Variants in GTF2H5 observed in about 807,000 individuals in gnomAD.
GTF2H5 encodes TFB5 ortholog.
In GTF2H5, 5 loss-of-function variants were observed where a neutral mutation model predicts 7.1. The observed-to-expected ratio is 0.71, with a 90% CI of 0.37 to 1.49. GTF2H5 has a LOEUF of 1.49. Ranked by LOEUF, GTF2H5 falls within the 40% of genes most tolerant of loss-of-function variation. The pLI is 0.03. For missense variants in GTF2H5, 80 were observed against 83.0 expected, an observed-to-expected ratio of 0.96 and a Z score of 0.14; for synonymous variants, 30 against 31.7, an observed-to-expected ratio of 0.95 and a Z score of 0.18.
intron 2 of GTF2H5, among the ~76,000 whole-genome samples, chr6:158,180,941 T>G (rs907929029): frequency 1.3e-5 from 2 of 152,072 alleles, no homozygotes; most frequent in Non-Finnish European, 1.5e-5. Context: ...CTCTTGCTTC[T>G]CTAGTTCTTT....
At chr6:158,189,541 G>C (rs947406413) in intron 2 of GTF2H5, among the ~76,000 whole-genome samples, 1 of 151,878 alleles carries the variant, frequency 6.6e-6, no homozygotes. Flanking sequence ...CCTTACCCTC[G>C]TGCCAGCTCT....
chr6:158,190,837 T>C (rs1034411569), intron 2 of GTF2H5: 1 of 440,100 alleles, frequency 2.3e-6, no homozygotes, highest in South Asian at 1.7e-5. Context: ...TTTATATTCA[T>C]TTTTTGCTAA....
chr6:158,187,900 A>G (rs1466361348), intron 2 of GTF2H5, among the ~76,000 whole-genome samples: 1 of 152,132 alleles, frequency 6.6e-6, no homozygotes, highest in East Asian at 1.9e-4. Context: ...CTGGTCAGCT[A>G]TGCCTGAATT....
At chr6:158,181,357 G>A (rs933756793) in intron 2 of GTF2H5, among the ~76,000 whole-genome samples, 2 of 152,204 alleles carry the variant, frequency 1.3e-5, no homozygotes, top group African/African-American at 4.8e-5. Context: ...GTTGATTTGG[G>A]TCGGGGAGTT....
chr6:158,172,121 C>G (rs528006974), intron 2 of GTF2H5, among the ~76,000 whole-genome samples: 3 of 152,084 alleles, frequency 2.0e-5, no homozygotes, highest in African/African-American at 7.2e-5. Context: ...TCACTTCTCT[C>G]TTCTGAGGGT....
intron 2 of GTF2H5, among the ~76,000 whole-genome samples, chr6:158,176,961 C>T (rs759058902): frequency 3.3e-5 from 5 of 152,232 alleles, no homozygotes; most frequent in African/African-American, 1.2e-4. Context: ...AGCCTTTAAG[C>T]GGTTTTCCGC....
At chr6:158,173,821 CCTGCTAA>C (rs1317847027) in intron 2 of GTF2H5, among the ~76,000 whole-genome samples, 3 of 152,254 alleles carry the variant, frequency 2.0e-5, no homozygotes, top group African/African-American at 7.2e-5. Context: ...AGCAGGCGGG[CCTGCTAA>C]CTGGCTATTT....
intron 2 of GTF2H5, among the ~76,000 whole-genome samples, chr6:158,182,233 C>T (rs1437227233): frequency 3.3e-5 from 5 of 152,312 alleles, no homozygotes; most frequent in East Asian, 3.9e-4. Context: ...AGGGTTTATG[C>T]GGAGCGATCC....
chr6:158,168,576 C>T (rs13194997), intron 1 of GTF2H5, among the ~76,000 whole-genome samples, 181 bp downstream of exon 1: 18,719 of 152,264 alleles, frequency 0.12, 1,279 homozygotes, highest in Middle Eastern at 0.16. Context: ...CAGTCCCCCC[C>T]TCGTTTAATC....
rs543894150 is a variant in GTF2H5, at chr6:158,197,374, T to A, written c.*5217T>A. Reference sequence around the variant, plus strand: ...TTATGCTCAAAATATCCAATAATATTTCTTTTGCTGAGCTGTAAAATAATT... The same window carrying A: ...TTATGCTCAAAATATCCAATAATATATCTTTTGCTGAGCTGTAAAATAATT... On this transcript the variant is annotated 3_prime_UTR_variant, in exon 3 of 3. Transcript: ENST00000607778. 13 of 164,406 alleles carry A rather than the reference T, an allele frequency of 7.9e-5. No individual in the cohort carries two copies. Among genetic ancestry groups the A allele is most frequent in the African/African-American group, 3.1e-4 (13 of 41,684 alleles). 10.2% of individuals were successfully genotyped at this position (164,406 alleles called of 1,614,324 possible).
chr6:158,190,928 G>T (rs766569410), intron 2 of GTF2H5: 1 of 517,282 alleles, frequency 1.9e-6, no homozygotes, highest in Non-Finnish European at 3.9e-6. Flanking sequence ...CTGTAAATCT[G>T]TACTGCCCGA....
At chr6:158,186,967 T>C (rs1318750694) in intron 2 of GTF2H5, among the ~76,000 whole-genome samples, 1 of 147,600 alleles carries the variant, frequency 6.8e-6, no homozygotes, top group Non-Finnish European at 1.5e-5. Flanking sequence ...TTGTTTTTGT[T>C]TTGTTTTGTG....
chr6:158,175,044 G>GTGTA, intron 2 of GTF2H5, among the ~76,000 whole-genome samples: 91 of 142,846 alleles, frequency 6.4e-4, no homozygotes, highest in African/African-American at 2.0e-3. Context: ...GTGTGTGTGT[G>GTGTA]TATACACACA....
intron 2 of GTF2H5, among the ~76,000 whole-genome samples, chr6:158,188,193 G>A (rs1440723595): frequency 6.6e-6 from 1 of 152,198 alleles, no homozygotes; most frequent in Non-Finnish European, 1.5e-5. Context: ...TTGTTTGCAA[G>A]GAAAGCTTAA....
chr6:158,191,929 T>C (rs1306126492), intron 2 of GTF2H5, 48 bp from the exon 3 acceptor site: 1 of 1,431,468 alleles, frequency 7.0e-7, no homozygotes, highest in Admixed American at 1.7e-5. Context: ...GTCTCTGTGA[T>C]GTGATTTGAC....
chr6:158,169,695 A>G lies in GTF2H5; in HGVS notation c.-34-775A>G, dbSNP rs368366026. Among the ~76,000 whole-genome samples the G allele has an allele frequency of 7.9e-4, 52 of 65,692 alleles. 9 individuals are homozygous for G. Among genetic ancestry groups the G allele is most frequent in the African/African-American group, 2.8e-3 (24 of 8,642 alleles). The allele number at this position is 65,692 out of a possible 152,430, so 43.1% of individuals were successfully genotyped here. A position where few individuals can be genotyped will look rare whatever the true frequency, so the allele number is the denominator to read the frequency against. Reference sequence around the variant, plus strand: ...TATTATATAATATATAATATATATTATATAATATATTGTATATTATATATT... The same window carrying G: ...TATTATATAATATATAATATATATTGTATAATATATTGTATATTATATATT... On this transcript the variant is annotated intron_variant, in intron 1 of 2. Transcript: ENST00000607778.
chr6:158,198,416 G>A lies in GTF2H5; in HGVS notation c.*6259G>A, dbSNP rs1777144958. On this transcript the variant is annotated 3_prime_UTR_variant, in exon 3 of 3. Transcript: ENST00000607778. ...TTCACTGTCCTCAGACATTTACTGA[G>A]TCCAGTTTGGACTTTATTTTATTTT... The A allele has an allele frequency of 6.6e-6, 1 of 152,196 alleles. No homozygotes were observed. Among genetic ancestry groups the A allele is most frequent in the Non-Finnish European group, 1.5e-5 (1 of 68,046 alleles). The allele number at this position is 152,196 out of a possible 1,614,324, so 9.4% of individuals were successfully genotyped here. A position where few individuals can be genotyped will look rare whatever the true frequency, so the allele number is the denominator to read the frequency against.
Position 158,169,759 on chromosome 6 carries a change from G to GTATATTA in GTF2H5, c.-34-705_-34-699dup, listed in dbSNP as rs1562469456. ...TATATTATATATTATATAATATATT[G>GTATATTA]TATATTATATATAATATATTGTATA... is the stretch of plus-strand genomic sequence containing the variant. On this transcript the variant is annotated intron_variant, in intron 1 of 2. Transcript: ENST00000607778. Among the ~76,000 whole-genome samples the GTATATTA allele has an allele frequency of 1.8e-3, 93 of 51,654 alleles. 12 individuals are homozygous for GTATATTA. Among genetic ancestry groups the GTATATTA allele is most frequent in the African/African-American group, 6.1e-3 (89 of 14,688 alleles). The allele number at this position is 51,654 out of a possible 152,430, so 33.9% of individuals were successfully genotyped here. A position where few individuals can be genotyped will look rare whatever the true frequency, so the allele number is the denominator to read the frequency against.
Position 158,169,655 on chromosome 6 carries a change from A to ATATATTGTATATTG in GTF2H5, c.-34-811_-34-810insTTGTATATTGTATA. Among the ~76,000 whole-genome samples, 28 of 56,414 alleles carry ATATATTGTATATTG rather than the reference A, an allele frequency of 5.0e-4. 1 individual carries two copies. Among genetic ancestry groups the ATATATTGTATATTG allele is most frequent in the African/African-American group, 2.7e-3 (25 of 9,314 alleles). The allele number at this position is 56,414 out of a possible 152,430, so 37.0% of individuals were successfully genotyped here. A position where few individuals can be genotyped will look rare whatever the true frequency, so the allele number is the denominator to read the frequency against. ...GTATATTACATATATTGTATATTAC[A>ATATATTGTATATTG]TATAATATATTGTATATTATATAAT... On this transcript the variant is annotated intron_variant, in intron 1 of 2. Transcript: ENST00000607778.
Sources: gnomAD v4.1 joint callset for allele counts (sites outside exome capture counted in the v4.1 genomes callset) on GRCh38, gnomAD v4.1.1 for gene constraint, MANE v1.5 for transcripts, NCBI Gene and HGNC (gene_info 2026-07-23, HGNC 2026-07-21) for gene names.